Variants in RPH3A observed in about 807,000 individuals in gnomAD.
RPH3A encodes the protein rabphilin 3A.
In RPH3A, 48 loss-of-function variants were observed where a neutral mutation model predicts 102.2. The observed-to-expected ratio is 0.47, with a 90% CI of 0.37 to 0.60. The LOEUF (loss-of-function observed/expected upper bound fraction) is 0.60. RPH3A is among the 20% of genes least tolerant of loss of function. RPH3A has a pLI of 0.00. For missense variants in RPH3A, 781 were observed against 910.1 expected, an observed-to-expected ratio of 0.86 and a Z score of 1.83; for synonymous variants, 310 against 324.3, an observed-to-expected ratio of 0.96 and a Z score of 0.47.
intron 1 of RPH3A, among the ~76,000 whole-genome samples, chr12:112,726,549 C>T (rs1048236511): frequency 6.6e-6 from 1 of 152,102 alleles, no homozygotes; most frequent in African/African-American, 2.4e-5. Context: ...CAACAAAAAG[C>T]AGAAATAATA....
At chr12:112,664,293 T>G (rs1448309853) in intron 1 of RPH3A, among the ~76,000 whole-genome samples, 2 of 151,054 alleles carry the variant, frequency 1.3e-5, no homozygotes, top group African/African-American at 2.4e-5. Context: ...TGATGAGGAG[T>G]TAGGATTATG....
At chr12:112,723,951 G>A (rs952462702) in intron 1 of RPH3A, among the ~76,000 whole-genome samples, 5 of 151,904 alleles carry the variant, frequency 3.3e-5, no homozygotes, top group African/African-American at 1.2e-4. Flanking sequence ...TTTGTGTAAT[G>A]GATTTGTGTA....
chr12:112,620,272 G>T (rs1237372861), intron 1 of RPH3A, among the ~76,000 whole-genome samples: 2 of 152,166 alleles, frequency 1.3e-5, no homozygotes, highest in Non-Finnish European at 2.9e-5. Flanking sequence ...TGAGCATACA[G>T]GCCCATGCAG....
intron 1 of RPH3A, among the ~76,000 whole-genome samples, chr12:112,629,465 A>ATTTTTTTT (rs11294395): frequency 2.4e-5 from 2 of 84,032 alleles, no homozygotes; most frequent in Non-Finnish European, 2.2e-5. Context: ...TGCACTTTGC[A>ATTTTTTTT]TTTTTTTTTT....
intron 13 of RPH3A, 87 bp downstream of exon 13, chr12:112,876,953 T>C: frequency 1.1e-6 from 1 of 950,352 alleles, no homozygotes; most frequent in Non-Finnish European, 1.5e-6. Flanking sequence ...GGAACAGCCC[T>C]GTCTATCCCC....
intron 2 of RPH3A, among the ~76,000 whole-genome samples, chr12:112,807,062 G>A (rs2041481958): frequency 6.6e-6 from 1 of 152,106 alleles, no homozygotes; most frequent in Non-Finnish European, 1.5e-5. Flanking sequence ...CATGGTTAGA[G>A]TGTGAGATGT....
intron 1 of RPH3A, among the ~76,000 whole-genome samples, chr12:112,749,827 A>G (rs2040774057): frequency 6.6e-6 from 1 of 152,222 alleles, no homozygotes; most frequent in Non-Finnish European, 1.5e-5. Flanking sequence ...ATGCTCCCAG[A>G]AAGAGATATA....
intron 1 of RPH3A, chr12:112,651,712 C>G (rs1380180399): frequency 6.6e-6 from 1 of 152,220 alleles, no homozygotes; most frequent in East Asian, 1.9e-4. Context: ...TCATTCCAAA[C>G]AGAAACTCTG....
intron 1 of RPH3A, among the ~76,000 whole-genome samples, chr12:112,663,693 G>A (rs1233317088): frequency 2.6e-5 from 4 of 152,060 alleles, no homozygotes; most frequent in Non-Finnish European, 5.9e-5. Context: ...TTGCTAAAAT[G>A]GGTTTGAATT....
At chr12:112,735,036 C>A (rs1331499753) in intron 1 of RPH3A, among the ~76,000 whole-genome samples, 1 of 152,120 alleles carries the variant, frequency 6.6e-6, no homozygotes, top group Non-Finnish European at 1.5e-5. Flanking sequence ...CTTATTTTAC[C>A]CAGCCCCTAT....
intron 1 of RPH3A, among the ~76,000 whole-genome samples, chr12:112,661,155 C>A (rs935098903): frequency 1.3e-5 from 2 of 152,196 alleles, no homozygotes; most frequent in Non-Finnish European, 2.9e-5. Flanking sequence ...GGTCCCTGAG[C>A]CTCAGACCCA....
intron 1 of RPH3A, among the ~76,000 whole-genome samples, chr12:112,647,092 A>G (rs1335721536): frequency 6.6e-6 from 1 of 152,150 alleles, no homozygotes; most frequent in African/African-American, 2.4e-5. Flanking sequence ...ACTTGCACAA[A>G]CCAGTTTTTC....
chr12:112,613,734 G>A (rs1238839210), intron 1 of RPH3A, among the ~76,000 whole-genome samples: 2 of 152,072 alleles, frequency 1.3e-5, no homozygotes, highest in Non-Finnish European at 2.9e-5. Flanking sequence ...GATCTTTTGG[G>A]CCTATGAGTT....
intron 1 of RPH3A, among the ~76,000 whole-genome samples, chr12:112,642,508 CT>C (rs1210963016): frequency 6.6e-6 from 1 of 152,156 alleles, no homozygotes; most frequent in East Asian, 1.9e-4. Context: ...TTAAATTTAA[CT>C]GGACATCCTG....
At chr12:112,629,305 TG>T in intron 1 of RPH3A, among the ~76,000 whole-genome samples, 1 of 152,242 alleles carries the variant, frequency 6.6e-6, no homozygotes, top group Admixed American at 6.5e-5. Context: ...CCTGCTTTTT[TG>T]TGTTGGGTTT....
At chr12:112,883,472 G>A (rs923036645) in intron 16 of RPH3A, 70 bp downstream of exon 16, 2 of 1,097,472 alleles carry the variant, frequency 1.8e-6, no homozygotes, top group Non-Finnish European at 2.8e-6. Context: ...TGAGACTTGG[G>A]GTGAGGCCCC....
intron 1 of RPH3A, among the ~76,000 whole-genome samples, chr12:112,664,387 C>T (rs942626317): frequency 6.6e-6 from 1 of 151,946 alleles, no homozygotes; most frequent in Admixed American, 6.5e-5. Flanking sequence ...AGTTTTTGGT[C>T]GAAGGTTGGA....
chr12:112,807,446 A>C (rs2136114021), intron 2 of RPH3A, among the ~76,000 whole-genome samples: 1 of 152,288 alleles, frequency 6.6e-6, no homozygotes, highest in South Asian at 2.1e-4. Flanking sequence ...CAAGGGGCTC[A>C]GAGTAGAGGA....
At chr12:112,614,885 A>G (rs186589068) in intron 1 of RPH3A, among the ~76,000 whole-genome samples, 3 of 152,150 alleles carry the variant, frequency 2.0e-5, no homozygotes, top group African/African-American at 7.2e-5. Flanking sequence ...CTTGGGCTCA[A>G]GTGAGCCTCC....
Sources: allele counts gnomAD v4.1 joint callset (sites outside exome capture counted in the v4.1 genomes callset), GRCh38; gene constraint gnomAD v4.1.1; transcripts MANE v1.5; gene names NCBI Gene and HGNC (gene_info 2026-07-23, HGNC 2026-07-21).